KLRG1: variants seen among roughly 807,000 people sequenced by gnomAD.
KLRG1 encodes killer cell lectin like receptor G1.
Under a neutral mutation model 21.8 loss-of-function variants are expected in KLRG1, and 16 were observed. The observed-to-expected ratio is 0.73, with a 90% CI of 0.50 to 1.11. The LOEUF (loss-of-function observed/expected upper bound fraction) is 1.11. KLRG1 is among the 50% of genes most tolerant of loss of function. The probability of loss-of-function intolerance (pLI) is 0.00; values close to 1 mark genes in which losing one functional copy is unlikely to be tolerated. For synonymous variants in KLRG1, 69 were observed against 75.9 expected (o/e 0.91, Z 0.47); for missense variants, 173 against 218.3 (o/e 0.79, Z 1.31).
intron 3 of KLRG1, among the ~76,000 whole-genome samples, chr12:9,008,622 C>T (rs1947547233): frequency 6.6e-6 from 1 of 151,098 alleles, no homozygotes; most frequent in African/African-American, 2.5e-5. Flanking sequence ...CTGGCTTGCA[C>T]ATGGCTGCCT....
the KLRG1 span, among the ~76,000 whole-genome samples, chr12:9,125,424 C>G: frequency 6.6e-6 from 1 of 152,118 alleles, no homozygotes; most frequent in Non-Finnish European, 1.5e-5. Context: ...AAATCGACAC[C>G]TCAAAGCACT....
the KLRG1 span, chr12:9,077,251 G>T: frequency 8.5e-7 from 1 of 1,175,510 alleles, no homozygotes; most frequent in Non-Finnish European, 1.2e-6. Flanking sequence ...GAAAGCTGAT[G>T]CTTTGCTTTT....
At chr12:9,034,173 A>G in the KLRG1 span, among the ~76,000 whole-genome samples, 32 of 152,260 alleles carry the variant, frequency 2.1e-4, no homozygotes, top group African/African-American at 5.8e-4. Context: ...TCGGTTAACA[A>G]TAGATCACAC....
chr12:8,960,393 A>G (rs904276670), intron 1 of KLRG1, among the ~76,000 whole-genome samples: 3 of 152,222 alleles, frequency 2.0e-5, no homozygotes, highest in African/African-American at 7.2e-5. Context: ...TTCTGAGCTG[A>G]ACCACTTCAA....
chr12:9,027,368 A>G, the KLRG1 span, among the ~76,000 whole-genome samples: 7 of 152,208 alleles, frequency 4.6e-5, no homozygotes, highest in African/African-American at 1.7e-4. Context: ...ACAGTCCTCA[A>G]GTTTTTTGCC....
At chr12:9,021,265 A>G in the KLRG1 span, among the ~76,000 whole-genome samples, 7 of 152,208 alleles carry the variant, frequency 4.6e-5, no homozygotes, top group East Asian at 1.3e-3. Context: ...GGCCTAGGGC[A>G]TTACTCCACA....
At chr12:8,964,865 CT>C (rs1244618387) in intron 1 of KLRG1, among the ~76,000 whole-genome samples, 2 of 151,302 alleles carry the variant, frequency 1.3e-5, no homozygotes, top group East Asian at 3.9e-4. Context: ...CAACCCCTGC[CT>C]TTTTTTGTTT....
In KLRG1 at chr12:9,010,186, TA is replaced by T. The variant is rs35591560; in HGVS notation, c.*664del. 106,619 of 411,514 alleles carry T rather than the reference TA, an allele frequency of 0.26. 632 individuals carry two copies. The highest frequency in any genetic ancestry group is 0.3 in the Middle Eastern group (451 of 1,526). 25.5% of individuals were successfully genotyped at this position (411,514 alleles called of 1,614,324 possible). ...GGGAGATAGAGCAAGACTCCATCTC[TA>T]AAAAAAAAAAAAAATGCTAATGTGA... is the stretch of plus-strand genomic sequence containing the variant. On this transcript the variant is annotated 3_prime_UTR_variant, in exon 5 of 5. Transcript: ENST00000356986.
the KLRG1 span, chr12:9,168,991 G>T: frequency 1.9e-6 from 3 of 1,554,908 alleles, no homozygotes; most frequent in Non-Finnish European, 2.7e-6. Flanking sequence ...AAAAATAATT[G>T]TTCAATCTAC....
At chr12:9,152,511 G>A in the KLRG1 span, among the ~76,000 whole-genome samples, 1 of 152,174 alleles carries the variant, frequency 6.6e-6, no homozygotes, top group Non-Finnish European at 1.5e-5. Context: ...TAAAATTACA[G>A]ATGTTTAAGC....
intron 1 of KLRG1, among the ~76,000 whole-genome samples, chr12:8,966,354 A>G (rs1433263106): frequency 3.9e-5 from 6 of 152,128 alleles, no homozygotes; most frequent in African/African-American, 1.4e-4. Context: ...TAATTAAACT[A>G]AAGAGCTTCT....
At chr12:8,961,034 A>G (rs200457606) in intron 1 of KLRG1, among the ~76,000 whole-genome samples, 1 of 65,938 alleles carries the variant, frequency 1.5e-5, no homozygotes, top group African/African-American at 3.3e-5. Flanking sequence ...AGGTTTCATT[A>G]TTATTTCCAT....
intron 3 of KLRG1, 129 bp downstream of exon 3, chr12:8,995,417 T>A: frequency 1.3e-6 from 1 of 783,834 alleles, no homozygotes; most frequent in Non-Finnish European, 2.0e-6. Context: ...GGGGGGATAC[T>A]ATATTCTTCC....
the KLRG1 span, chr12:9,028,888 A>G: frequency 2.3e-5 from 15 of 639,838 alleles, no homozygotes; most frequent in East Asian, 4.9e-4. Flanking sequence ...GGCCGCATCC[A>G]CCTCCTCCAT....
At chr12:9,000,477 A>C (rs924539844) in intron 3 of KLRG1, among the ~76,000 whole-genome samples, 1 of 152,194 alleles carries the variant, frequency 6.6e-6, no homozygotes, top group African/African-American at 2.4e-5. Context: ...CATTAAGTAC[A>C]TTCACATTGT....
chr12:9,175,462 G>A, the KLRG1 span, among the ~76,000 whole-genome samples: 1 of 152,122 alleles, frequency 6.6e-6, no homozygotes, highest in African/African-American at 2.4e-5. Context: ...ATTGGCAAAT[G>A]AGATATAATT....
chr12:9,149,445 A>G, the KLRG1 span: 5 of 1,031,596 alleles, frequency 4.8e-6, no homozygotes, highest in Non-Finnish European at 5.7e-6. Context: ...GTGTGAGGAC[A>G]TGCCATGTGG....
At chr12:9,173,646 A>T in the KLRG1 span, among the ~76,000 whole-genome samples, 36,742 of 152,116 alleles carry the variant, frequency 0.24, 4,594 homozygotes, top group East Asian at 0.42. Flanking sequence ...ATAGGGGAAT[A>T]TCACCACTGA....
chr12:9,007,767 T>A (rs1204847349), intron 3 of KLRG1, among the ~76,000 whole-genome samples: 1 of 152,234 alleles, frequency 6.6e-6, no homozygotes, highest in Non-Finnish European at 1.5e-5. Context: ...TATTGCTTTC[T>A]TAGTAGTTTC....
Sources: gnomAD v4.1 joint callset for allele counts (sites outside exome capture counted in the v4.1 genomes callset) on GRCh38, gnomAD v4.1.1 for gene constraint, MANE v1.5 for transcripts, NCBI Gene and HGNC (gene_info 2026-07-23, HGNC 2026-07-21) for gene names.